The following G3BP2 variants were observed in gnomAD, a reference collection of about 807,000 sequenced individuals.
G3BP2 encodes the protein ras GTPase-activating protein-binding protein 2.
G3BP2 carries 11 observed loss-of-function variants against 56.7 expected under a neutral mutation model. The ratio of observed to expected loss-of-function variants is 0.19; its 90% CI spans 0.12 to 0.32. The LOEUF (loss-of-function observed/expected upper bound fraction) is 0.32. Among genes scored for constraint, G3BP2 ranks in the 10% least tolerant of loss-of-function variants. The pLI is 1.00. For missense variants in G3BP2, 340 were observed against 610.9 expected (o/e 0.56, Z 4.67); for synonymous variants, 165 against 191.6 (o/e 0.86, Z 1.15).
intron 2 of G3BP2, 104 bp downstream of exon 2, chr4:75,661,827 A>G: frequency 1.6e-6 from 1 of 637,126 alleles, no homozygotes; most frequent in African/African-American, 1.8e-5. Context: ...ACATGTTTAC[A>G]AAGATACTGT....
At chr4:75,690,811 G>T (rs1718825144) in intron 3 of G3BP2, among the ~76,000 whole-genome samples, 1 of 151,950 alleles carries the variant, frequency 6.6e-6, no homozygotes, top group Non-Finnish European at 1.5e-5. Flanking sequence ...CAATCCACCT[G>T]CCTCGGCCTT....
intron 11 of G3BP2, 124 bp downstream of exon 11, chr4:75,646,214 A>T (rs1009369222): frequency 1.6e-6 from 1 of 616,524 alleles, no homozygotes; most frequent in Non-Finnish European, 2.9e-6. Context: ...TCTTTGCATA[A>T]ATACCATTTA....
rs1354636724 is a variant in G3BP2, at chr4:75,646,468, T to TA, written c.1058-13dup. The TA allele has an allele frequency of 7.3e-7, 1 of 1,365,698 alleles. No homozygotes were observed. Among genetic ancestry groups the TA allele is most frequent in the Non-Finnish European group, 1.0e-6 (1 of 953,648 alleles). The allele number at this position is 1,365,698 out of a possible 1,614,324, so 84.6% of individuals were successfully genotyped here. A position where few individuals can be genotyped will look rare whatever the true frequency, so the allele number is the denominator to read the frequency against. On this transcript the variant is annotated splice_polypyrimidine_tract_variant and intron_variant, in intron 10 of 11. Coordinates refer to ENST00000359707, the MANE Select transcript of G3BP2 (RefSeq NM_203505.3). ...AACGTTTCCAAAACCTGTGAAAATA[T>TA]ACATTACATCAAGGGTTAAATATTT...
intron 6 of G3BP2, among the ~76,000 whole-genome samples, 192 bp from the exon 7 acceptor site, chr4:75,655,438 CCCA>C (rs1732020572): frequency 6.6e-6 from 1 of 152,110 alleles, no homozygotes. Context: ...GTTCTTTAAT[CCCA>C]CCATTTCAAA....
At chr4:75,720,076 G>A (rs1720098326) in intron 3 of G3BP2, among the ~76,000 whole-genome samples, 1 of 133,986 alleles carries the variant, frequency 7.5e-6, no homozygotes, top group Admixed American at 8.4e-5. Context: ...GAGTGCAGTG[G>A]CACAATCTTG....
rs1731115491 is a variant in G3BP2 at position 75,645,090 on chromosome 4, CTT to C, written c.*338_*339del. ...GCATTAACAGGCAGAAACAGTAACA[CTT>C]AAACAAAATGTGCAGCAGAAGATTT... On this transcript the variant is annotated 3_prime_UTR_variant, in exon 12 of 12. Transcript: ENST00000359707. 1 of 256,830 alleles carries C rather than the reference CTT, an allele frequency of 3.9e-6. No individual in the cohort carries two copies. The allele number at this position is 256,830 out of a possible 1,614,324, so 15.9% of individuals were successfully genotyped here.
intron 3 of G3BP2, among the ~76,000 whole-genome samples, chr4:75,707,542 G>A (rs1412113297): frequency 6.7e-6 from 1 of 150,158 alleles, no homozygotes; most frequent in East Asian, 2.0e-4. Context: ...CCTGGGAGGC[G>A]GAGGTTGCAG....
At chr4:75,720,022 C>CTTT (rs67468716) in intron 3 of G3BP2, among the ~76,000 whole-genome samples, 5 of 97,320 alleles carry the variant, frequency 5.1e-5, no homozygotes, top group Non-Finnish European at 7.6e-5. Context: ...GCCCAGAACC[C>CTTT]TTTTTTTTTT....
upstream of G3BP2, among the ~76,000 whole-genome samples, chr4:75,674,974 T>C (rs2149056622): frequency 6.6e-6 from 1 of 152,094 alleles, no homozygotes; most frequent in South Asian, 2.1e-4. Context: ...CCGCCCGCCT[T>C]GGCCTCCTAA....
At chr4:75,662,192 A>C in intron 1 of G3BP2, 143 bp from the exon 2 acceptor site, 1 of 537,494 alleles carries the variant, frequency 1.9e-6, no homozygotes, top group Non-Finnish European at 3.4e-6. Flanking sequence ...AGTTCTGATA[A>C]CCCACTACCA....
At chr4:75,709,318 G>T (rs1343398026) in intron 3 of G3BP2, among the ~76,000 whole-genome samples, 1 of 149,942 alleles carries the variant, frequency 6.7e-6, no homozygotes, top group Non-Finnish European at 1.5e-5. Context: ...TACTCAGGAG[G>T]CTGAGGAAGG....
intron 2 of G3BP2, among the ~76,000 whole-genome samples, chr4:75,720,973 CAAAAAAAA>C (rs143804378): frequency 2.2e-4 from 15 of 69,574 alleles, no homozygotes; most frequent in Non-Finnish European, 2.8e-4. Context: ...TTCATCTCTA[CAAAAAAAA>C]AAAAAAAAAA....
intron 8 of G3BP2, among the ~76,000 whole-genome samples, chr4:75,650,119 C>T (rs1731558671): frequency 6.6e-6 from 1 of 152,104 alleles, no homozygotes; most frequent in South Asian, 2.1e-4. Context: ...TTGTAATTTA[C>T]AAGGACAAAT....
Position 75,643,431 on chromosome 4 carries a change from G to A in G3BP2, c.*1999C>T, listed in dbSNP as rs149528641. The A allele has an allele frequency of 9.3e-5, 14 of 149,798 alleles. No homozygotes were observed. In the East Asian group the frequency reaches 2.7e-3, roughly 29 times the overall value. The allele number at this position is 149,798 out of a possible 1,614,324, so 9.3% of individuals were successfully genotyped here. A position where few individuals can be genotyped will look rare whatever the true frequency, so the allele number is the denominator to read the frequency against. On this transcript the variant is annotated 3_prime_UTR_variant, in exon 12 of 12. Coordinates refer to ENST00000359707, the MANE Select transcript of G3BP2 (RefSeq NM_203505.3). ...TTCAAAACTCCAAAGTAATTTTCTG[G>A]TAAGAATTTCAAGTACTATATCAGA...
chr4:75,661,875 G>T, intron 2 of G3BP2, 56 bp downstream of exon 2: 2 of 865,838 alleles, frequency 2.3e-6, no homozygotes, highest in East Asian at 2.5e-5. Flanking sequence ...AATATATATA[G>T]TCATACCCAA....
chr4:75,714,328 TTAAAGA>T (rs1439667654), intron 3 of G3BP2, among the ~76,000 whole-genome samples: 1 of 152,068 alleles, frequency 6.6e-6, no homozygotes, highest in Non-Finnish European at 1.5e-5. Context: ...ATATATACAT[TTAAAGA>T]AAAGAAATGA....
At chr4:75,686,587 G>A (rs1481534270) in intron 3 of G3BP2, among the ~76,000 whole-genome samples, 2 of 131,302 alleles carry the variant, frequency 1.5e-5, no homozygotes, top group African/African-American at 5.6e-5. Context: ...TGGGGGGGCG[G>A]GTGGCACAGC....
intron 1 of G3BP2, among the ~76,000 whole-genome samples, chr4:75,670,742 T>C (rs1733418633): frequency 6.6e-6 from 1 of 150,794 alleles, no homozygotes. Flanking sequence ...GAAAGGTGTT[T>C]GGGGTTCCTC....
chr4:75,660,645 T>C (rs961716222), intron 2 of G3BP2, among the ~76,000 whole-genome samples: 6 of 152,218 alleles, frequency 3.9e-5, no homozygotes, highest in Admixed American at 3.9e-4. Flanking sequence ...ATTACACGTA[T>C]GTTCAACAGA....
Sources: allele counts gnomAD v4.1 joint callset (sites outside exome capture counted in the v4.1 genomes callset), GRCh38; gene constraint gnomAD v4.1.1; transcripts MANE v1.5; gene names NCBI Gene and HGNC (gene_info 2026-07-23, HGNC 2026-07-21).